USP31: variants seen among roughly 807,000 people sequenced by gnomAD.
USP31 encodes the protein ubiquitin specific peptidase 31, also known as ubiquitin carboxyl-terminal hydrolase 31.
USP31 carries 44 observed loss-of-function variants against 119.4 expected under a neutral mutation model. The ratio of observed to expected loss-of-function variants is 0.37; its 90% confidence interval spans 0.29 to 0.47. The LOEUF is 0.47. Among genes scored for constraint, USP31 ranks in the 20% least tolerant of loss-of-function variants. The pLI is 0.99. For missense variants in USP31, 1,643 were observed against 1,730.2 expected (o/e 0.95, Z 0.89); for synonymous variants, 749 against 705.6 (o/e 1.06, Z -0.97).
chr16:23,085,258 A>C (rs563591612), intron 10 of USP31, among the ~76,000 whole-genome samples: 1 of 152,340 alleles, frequency 6.6e-6, no homozygotes, highest in African/African-American at 2.4e-5. Context: ...CCTGTCCTTT[A>C]CATCTAAGAA....
At chr16:23,095,679 A>G (rs565114204) in intron 6 of USP31, among the ~76,000 whole-genome samples, 2 of 152,160 alleles carry the variant, frequency 1.3e-5, no homozygotes, top group Non-Finnish European at 2.9e-5. Flanking sequence ...CCAGAAGAGA[A>G]TGGGGCCAAT....
intron 1 of USP31, among the ~76,000 whole-genome samples, chr16:23,131,667 T>C (rs1903034704): frequency 6.6e-6 from 1 of 152,062 alleles, no homozygotes; most frequent in Admixed American, 6.6e-5. Flanking sequence ...TAATGAACCA[T>C]AAAAGGCACA....
At chr16:23,090,173 T>C (rs1381277373) in intron 7 of USP31, among the ~76,000 whole-genome samples, 2 of 151,236 alleles carry the variant, frequency 1.3e-5, no homozygotes, top group African/African-American at 4.9e-5. Context: ...TCGTCTGAGG[T>C]CAGGAGTTTG....
At chr16:23,089,738 A>T (rs759307837) in intron 7 of USP31, among the ~76,000 whole-genome samples, 5 of 152,184 alleles carry the variant, frequency 3.3e-5, no homozygotes, top group Non-Finnish European at 7.3e-5. Context: ...AGATAGTCTA[A>T]AACACCCATA....
intron 9 of USP31, among the ~76,000 whole-genome samples, chr16:23,086,691 C>T (rs1302011026): frequency 2.6e-5 from 4 of 152,090 alleles, no homozygotes; most frequent in Admixed American, 6.5e-5. Flanking sequence ...CAAAAGTAAG[C>T]GGAATTCAAA....
intron 1 of USP31, among the ~76,000 whole-genome samples, chr16:23,112,618 C>T (rs1318804506): frequency 1.3e-5 from 2 of 151,996 alleles, no homozygotes; most frequent in Non-Finnish European, 2.9e-5. Flanking sequence ...CTTATTCCAT[C>T]TTGAAATGGT....
chr16:23,071,609 G>A (rs190177691), intron 15 of USP31, among the ~76,000 whole-genome samples: 1 of 152,322 alleles, frequency 6.6e-6, no homozygotes, highest in East Asian at 1.9e-4. Flanking sequence ...CAGCATGTTG[G>A]AAGGTGAGGC....
intron 1 of USP31, among the ~76,000 whole-genome samples, chr16:23,141,894 A>C (rs2141904213): frequency 6.6e-6 from 1 of 152,330 alleles, no homozygotes; most frequent in South Asian, 2.1e-4. Context: ...GCTGACAACA[A>C]ATAAAAGGAT....
In USP31 at chr16:23,080,024, T is replaced by C. The variant is rs1425262835; in HGVS notation, c.2098A>G (p.Arg700Gly). The change falls in exon 13 of 16, where the codon AGG becomes GGG. Residue 700 changes from arginine (R) to glycine (G), a missense_variant. Transcript: ENST00000219689. ...TCATAGATGTAGTCCTCAGGGTCCC[T>C]CCCGAGTCCATAGGGCCGTCTCCAC... ...SPWRRPYGLG[R>G]DPEDYIYDLY... 4 of 1,613,870 alleles carry C rather than the reference T, an allele frequency of 2.5e-6. No individual in the cohort carries two copies. In the African/African-American group the frequency reaches 5.3e-5, roughly 22 times the overall value.
intron 13 of USP31, among the ~76,000 whole-genome samples, chr16:23,078,526 C>T (rs960258403): frequency 2.4e-4 from 36 of 152,056 alleles, no homozygotes; most frequent in African/African-American, 8.2e-4. Flanking sequence ...GCTGACCCTC[C>T]CCCTCCAGCA....
intron 1 of USP31, among the ~76,000 whole-genome samples, chr16:23,112,511 GT>G (rs1252789158): frequency 6.6e-6 from 1 of 152,006 alleles, no homozygotes; most frequent in Non-Finnish European, 1.5e-5. Flanking sequence ...GGAGGCAGAG[GT>G]TGCAGTGAGC....
chr16:23,079,977 G>A lies in USP31; in HGVS notation c.2145C>T (p.His715=), dbSNP rs746544096. ...YIYDLYAVCN[H]HGTMQGGHYT... ...AGTGCCCCCCTTGCATGGTGCCATG[G>A]TGATTGCACACAGCATACAGGTCAT... is the stretch of plus-strand genomic sequence containing the variant. Residue 715 remains histidine, a synonymous_variant, in exon 13 of 16, where the codon CAC becomes CAT. Transcript: ENST00000219689. 3.1e-6 allele frequency: 5 copies of A among 1,613,792 alleles called. No individual in the cohort carries two copies. Among genetic ancestry groups the A allele is most frequent in the African/African-American group, 1.3e-5 (1 of 74,964 alleles).
rs1458557215 is a variant in USP31, at chr16:23,061,703, G to A, written c.*6343C>T. ...CTGCCTTCCATATTACTGTACAACT[G>A]AAAATGAAAACGACACAGAAATCAC... On this transcript the variant is annotated 3_prime_UTR_variant, in exon 16 of 16. Coordinates refer to ENST00000219689, the MANE Select transcript of USP31 (RefSeq NM_020718.4). 1.3e-5 allele frequency: 2 copies of A among 152,502 alleles called. No homozygotes were observed. Among genetic ancestry groups the A allele is most frequent in the Non-Finnish European group, 2.9e-5 (2 of 68,040 alleles). The allele number at this position is 152,502 out of a possible 1,614,324, so 9.4% of individuals were successfully genotyped here.
In USP31 at chr16:23,127,167, C is replaced by T. The variant is rs143285941; in HGVS notation, c.634-18984G>A. ...AAATTGACTAGTGTGGTGGCTCACTCCTGTAATCCCAGCACCTTGGGAGGC... is the reference window on the plus strand; with the variant it reads ...AAATTGACTAGTGTGGTGGCTCACTTCTGTAATCCCAGCACCTTGGGAGGC... On this transcript the variant is annotated intron_variant, in intron 1 of 15. Transcript: ENST00000219689. Among the ~76,000 whole-genome samples the T allele has an allele frequency of 3.3e-3, 495 of 152,266 alleles. 1 individual carries two copies. The highest frequency in any genetic ancestry group is 0.011 in the African/African-American group (467 of 41,564).
At chr16:23,093,918 C>A (rs1901484392) in intron 6 of USP31, among the ~76,000 whole-genome samples, 1 of 152,208 alleles carries the variant, frequency 6.6e-6, no homozygotes, top group Non-Finnish European at 1.5e-5. Context: ...GTCTGCAGCT[C>A]CCAGCATGAT....
chr16:23,135,778 G>A (rs1903170704), intron 1 of USP31, among the ~76,000 whole-genome samples: 1 of 152,080 alleles, frequency 6.6e-6, no homozygotes, highest in South Asian at 2.1e-4. Flanking sequence ...ACATATTCAA[G>A]GCAATCTCTG....
rs1903652002 is a variant in USP31, at chr16:23,149,373, G to A, written c.-103C>T. The A allele has an allele frequency of 3.0e-6, 3 of 988,174 alleles. No homozygotes were observed. The highest frequency in any genetic ancestry group is 3.6e-6 in the Non-Finnish European group (3 of 833,000). The allele number at this position is 988,174 out of a possible 1,614,324, so 61.2% of individuals were successfully genotyped here. Reference sequence around the variant, plus strand: ...AGCGCCGCGCCTCACCGGGCCCGGGGGCTCGACGCCCCACACACCTCAAAG... The same window carrying A: ...AGCGCCGCGCCTCACCGGGCCCGGGAGCTCGACGCCCCACACACCTCAAAG... On this transcript the variant is annotated 5_prime_UTR_variant, in exon 1 of 16. Transcript: ENST00000219689.
chr16:23,090,454 C>G (rs1322306029), intron 7 of USP31, among the ~76,000 whole-genome samples, 170 bp downstream of exon 7: 1 of 151,934 alleles, frequency 6.6e-6, no homozygotes, highest in African/African-American at 2.4e-5. Context: ...TTTTACTCTC[C>G]CCCGACCAAC....
In USP31 at chr16:23,112,576, A is replaced by G. The variant is rs145758619; in HGVS notation, c.634-4393T>C. 6.6e-5 allele frequency among the ~76,000 whole-genome samples: 10 copies of G among 152,154 alleles called. No individual in the cohort carries two copies. The East Asian group carries it at 1.9e-3, about 29-fold the overall frequency. ...GACGAGAAGAGTGAAACTCCATCTC[A>G]ATAAAAGGAATAATAATTTAAAAAA... is the stretch of plus-strand genomic sequence containing the variant. On this transcript the variant is annotated intron_variant, in intron 1 of 15. Transcript: ENST00000219689.
Sources: gnomAD v4.1 joint callset for allele counts (sites outside exome capture counted in the v4.1 genomes callset) on GRCh38, gnomAD v4.1.1 for gene constraint, MANE v1.5 for transcripts, NCBI Gene and HGNC (gene_info 2026-07-23, HGNC 2026-07-21) for gene names.